The following ABHD12B variants were observed in gnomAD, a reference collection of about 807,000 sequenced individuals.
ABHD12B encodes the protein abhydrolase domain containing 12B.
Under a neutral mutation model 50.4 loss-of-function variants are expected in ABHD12B, and 42 were observed. The observed-to-expected ratio is 0.83, with a 90% CI of 0.65 to 1.08. The LOEUF (loss-of-function observed/expected upper bound fraction) is 1.08. Among genes scored for constraint, ABHD12B ranks in the 50% least tolerant of loss-of-function variants. The pLI, the probability that ABHD12B is intolerant of heterozygous loss-of-function variation, is 0.00. For synonymous variants in ABHD12B, 167 were observed against 160.3 expected (o/e 1.04, Z -0.32); for missense variants, 479 against 447.7 (o/e 1.07, Z -0.63).
intron 9 of ABHD12B, chr14:50,892,717 T>C (rs190874152): frequency 3.1e-4 from 147 of 466,692 alleles, no homozygotes; most frequent in African/African-American, 2.8e-3. Context: ...AAAATTTCTT[T>C]AGATAGTACT....
intron 9 of ABHD12B, among the ~76,000 whole-genome samples, chr14:50,897,616 T>C (rs2050213837): frequency 6.6e-6 from 1 of 152,198 alleles, no homozygotes; most frequent in Admixed American, 6.5e-5. Flanking sequence ...GTTTTGTTAC[T>C]CAGAATTGAA....
intron 9 of ABHD12B, chr14:50,893,744 C>T (rs915120434): frequency 1.6e-4 from 32 of 196,610 alleles, no homozygotes; most frequent in Middle Eastern, 4.3e-3. Context: ...AAACATCTCA[C>T]CAATTTCAAA....
intron 9 of ABHD12B, among the ~76,000 whole-genome samples, chr14:50,900,816 A>T (rs2050253216): frequency 6.6e-6 from 1 of 152,202 alleles, no homozygotes; most frequent in South Asian, 2.1e-4. Context: ...GGGAGGCAGG[A>T]AGCCGCCGGA....
intron 3 of ABHD12B, among the ~76,000 whole-genome samples, chr14:50,879,635 A>C (rs7145906): frequency 0.98 from 149,629 of 152,350 alleles, 73,519 homozygotes; most frequent in Middle Eastern, 1. Flanking sequence ...TGTTTAGGAC[A>C]AACCCATAAC....
intron 1 of ABHD12B, among the ~76,000 whole-genome samples, chr14:50,877,056 G>T (rs1197699947): frequency 6.6e-6 from 1 of 152,224 alleles, no homozygotes; most frequent in East Asian, 1.9e-4. Flanking sequence ...TGTGCTGACA[G>T]CTCCTGATTG....
intron 9 of ABHD12B, among the ~76,000 whole-genome samples, chr14:50,889,934 A>G (rs1390214269): frequency 6.6e-6 from 1 of 152,190 alleles, no homozygotes; most frequent in Non-Finnish European, 1.5e-5. Context: ...TCTGAAACTT[A>G]CTTAACTATT....
intron 1 of ABHD12B, among the ~76,000 whole-genome samples, chr14:50,876,548 T>C (rs1412217744): frequency 6.6e-6 from 1 of 152,186 alleles, no homozygotes; most frequent in Non-Finnish European, 1.5e-5. Flanking sequence ...AGATTGTCTA[T>C]GAGCAGAATT....
At chr14:50,892,670 CT>C (rs1280945135) in intron 9 of ABHD12B, 2 of 844,558 alleles carry the variant, frequency 2.4e-6, no homozygotes, top group East Asian at 2.5e-4. Context: ...GTATTATTCC[CT>C]TTCTCATATG....
At chr14:50,887,647 A>G (rs1447457632) in intron 8 of ABHD12B, among the ~76,000 whole-genome samples, 2 of 152,212 alleles carry the variant, frequency 1.3e-5, no homozygotes, top group African/African-American at 4.8e-5. Flanking sequence ...AACTGATATT[A>G]TCTTCTTCCA....
At chr14:50,880,406 G>A in intron 3 of ABHD12B, 46 bp from the exon 4 acceptor site, 1 of 1,522,496 alleles carries the variant, frequency 6.6e-7, no homozygotes. Flanking sequence ...GGAAAGGATG[G>A]AGAATTCCTC....
intron 1 of ABHD12B, among the ~76,000 whole-genome samples, chr14:50,873,057 T>C (rs1489734883): frequency 1.3e-5 from 2 of 152,216 alleles, no homozygotes; most frequent in African/African-American, 2.4e-5. Flanking sequence ...TTTAGTTTTG[T>C]TGGTGTGGGA....
intron 5 of ABHD12B, among the ~76,000 whole-genome samples, chr14:50,882,973 C>CACAAA: frequency 8.9e-6 from 1 of 112,908 alleles, no homozygotes. Flanking sequence ...GACCCTGACT[C>CACAAA]AAAAAAAAAA....
Position 50,878,743 on chromosome 14 carries a change from A to G in ABHD12B, c.233-2A>G. ...AAGTTGATAATGATTTTTACTTTCC[A>G]GTCAAAGCCCCATTTCTTGTGGATT... On this transcript the variant is annotated splice_acceptor_variant, in intron 2 of 12. Coordinates refer to ENST00000337334, the MANE Select transcript of ABHD12B (RefSeq NM_001206673.2). LOFTEE classifies it high-confidence loss of function. 1 of 1,610,712 alleles carries G rather than the reference A, an allele frequency of 6.2e-7. No homozygotes were observed. Among genetic ancestry groups the G allele is most frequent in the Non-Finnish European group, 8.5e-7 (1 of 1,177,122 alleles).
At chr14:50,896,658 T>C (rs962449557) in intron 9 of ABHD12B, among the ~76,000 whole-genome samples, 3 of 149,984 alleles carry the variant, frequency 2.0e-5, no homozygotes, top group Non-Finnish European at 3.0e-5. Flanking sequence ...GCTCAGAAGC[T>C]CCCCCACTGA....
At position 50,872,086 on chromosome 14, in the gene ABHD12B, C is replaced by T; in HGVS notation, c.-89C>T. 2 of 1,004,018 alleles carry T rather than the reference C, an allele frequency of 2.0e-6. No homozygotes were observed. The highest frequency in any genetic ancestry group is 2.5e-6 in the Non-Finnish European group (2 of 791,668). The allele number at this position is 1,004,018 out of a possible 1,614,324, so 62.2% of individuals were successfully genotyped here. On this transcript the variant is annotated 5_prime_UTR_variant, in exon 1 of 13. Transcript: ENST00000337334. ...TGACCGCGCGGAGGAGGAGGGCGGGCGCGGTGCCGCCGGGGCGGGAAGGTC... is the reference window on the plus strand; with the variant it reads ...TGACCGCGCGGAGGAGGAGGGCGGGTGCGGTGCCGCCGGGGCGGGAAGGTC...
At position 50,892,487 on chromosome 14, in the gene ABHD12B, G is replaced by A. The variant is rs548814067; in HGVS notation, c.780+3584G>A. On this transcript the variant is annotated intron_variant, in intron 9 of 12. Transcript: ENST00000337334. The stretch of plus-strand genomic sequence containing the variant: ...CTAAGGTAGGCAGTGGAGGAGGGGC[G>A]GGAGGATGGCGTAACCTCTTAGGAG... 1.2e-3 allele frequency: 1,215 copies of A among 985,410 alleles called. 2 individuals are homozygous for A. Among genetic ancestry groups the A allele is most frequent in the East Asian group, 1.5e-3 (13 of 8,808 alleles). 61.0% of individuals were successfully genotyped at this position (985,410 alleles called of 1,614,324 possible). A position where few individuals can be genotyped will look rare whatever the true frequency, so the allele number is the denominator to read the frequency against.
intron 9 of ABHD12B, among the ~76,000 whole-genome samples, chr14:50,889,620 G>A (rs940405666): frequency 3.9e-5 from 6 of 152,234 alleles, no homozygotes; most frequent in African/African-American, 1.4e-4. Flanking sequence ...CCTGGCGACA[G>A]AGTGAGACTT....
At chr14:50,885,047 C>T (rs1451443974) in intron 5 of ABHD12B, among the ~76,000 whole-genome samples, 1 of 152,118 alleles carries the variant, frequency 6.6e-6, no homozygotes, top group Non-Finnish European at 1.5e-5. Flanking sequence ...TATTGTTTCT[C>T]ACTTTTCAGA....
chr14:50,881,718 G>A (rs2049951965), intron 5 of ABHD12B, 92 bp downstream of exon 5: 1 of 1,500,882 alleles, frequency 6.7e-7, no homozygotes, highest in Non-Finnish European at 9.3e-7. Flanking sequence ...GTTGTTTTTT[G>A]AGAGGTCTCC....
Sources: gnomAD v4.1 joint callset for allele counts (sites outside exome capture counted in the v4.1 genomes callset) on GRCh38, gnomAD v4.1.1 for gene constraint, MANE v1.5 for transcripts, NCBI Gene and HGNC (gene_info 2026-07-23, HGNC 2026-07-21) for gene names.